Variants in ASXL2 observed in about 807,000 individuals in gnomAD.
The protein encoded by ASXL2 is ASXL transcriptional regulator 2.
In ASXL2, 23 loss-of-function variants were observed where a neutral mutation model predicts 122.0. The observed-to-expected ratio is 0.19, with a 90% CI of 0.14 to 0.27. The LOEUF (loss-of-function observed/expected upper bound fraction) is 0.27, where lower values mean the gene tolerates loss of function less well. Among genes scored for constraint, ASXL2 ranks in the 10% least tolerant of loss-of-function variants. The pLI, the probability that ASXL2 is intolerant of heterozygous loss-of-function variation, is 1.00. For synonymous variants in ASXL2, 650 were observed against 637.0 expected (o/e 1.02, Z -0.31); for missense variants, 1,518 against 1,713.8 (o/e 0.89, Z 2.02).
chr2:25,855,882 C>CATTTATTTATTTATTTATTT (rs147256555), intron 1 of ASXL2, among the ~76,000 whole-genome samples: 215 of 142,536 alleles, frequency 1.5e-3, no homozygotes, highest in South Asian at 4.5e-3. Context: ...CTTGATAATG[C>CATTTATTTATTTATTTATTT]ATTTATTTAT....
intron 1 of ASXL2, among the ~76,000 whole-genome samples, chr2:25,869,920 A>AC (rs972056972): frequency 6.6e-6 from 1 of 151,834 alleles, no homozygotes; most frequent in Non-Finnish European, 1.5e-5. Flanking sequence ...ACTAAAAAAA[A>AC]AAAAAGAAAG....
chr2:25,878,437 C>G lies in ASXL2; in HGVS notation c.-215G>C. The G allele has an allele frequency of 1.7e-6, 1 of 594,618 alleles. No homozygotes were observed. Among genetic ancestry groups the G allele is most frequent in the East Asian group, 2.8e-5 (1 of 35,224 alleles). 36.8% of individuals were successfully genotyped at this position (594,618 alleles called of 1,614,324 possible). A position where few individuals can be genotyped will look rare whatever the true frequency, so the allele number is the denominator to read the frequency against. On this transcript the variant is annotated 5_prime_UTR_variant, in exon 1 of 13. Transcript: ENST00000435504. ...CTCTTGCTGCCGTTGCCACTGCTAC[C>G]GCCGCTGCCATATTGGGTTCTTACT... is the stretch of plus-strand genomic sequence containing the variant.
chr2:25,826,601 T>C (rs1020370420), intron 3 of ASXL2, among the ~76,000 whole-genome samples: 3 of 152,140 alleles, frequency 2.0e-5, no homozygotes, highest in Non-Finnish European at 2.9e-5. Context: ...GTCCATTTTT[T>C]CCGTACTCCT....
rs1476986897 is a variant in ASXL2 at position 25,742,792 on chromosome 2, T to A, written c.3545A>T (p.Asp1182Val). 6.2e-7 allele frequency: 1 copy of A among 1,614,032 alleles called. No individual in the cohort carries two copies. The highest frequency in any genetic ancestry group is 1.1e-5 in the South Asian group (1 of 91,080). The part of the protein sequence containing the change: ...ESSSSKEDDT[D>V]EESTGDEQES... ...CTGCTCATCACCAGTACTTTCCTCA[T>A]CAGTGTCATCTTCTTTGCTGCTGCT... Residue 1182 changes from aspartate to valine, a missense_variant, in exon 13 of 13, where the codon GAT (aspartate) becomes GTT (valine). Physicochemically the swap from Asp to Val is radical, Grantham distance 152. Coordinates refer to ENST00000435504, the MANE Select transcript of ASXL2 (RefSeq NM_018263.6).
chr2:25,841,279 G>A (rs2089575164), intron 2 of ASXL2, among the ~76,000 whole-genome samples: 1 of 152,132 alleles, frequency 6.6e-6, no homozygotes, highest in Non-Finnish European at 1.5e-5. Flanking sequence ...CTGGGTTACA[G>A]AGTGAGACCC....
chr2:25,774,769 T>G (rs947918795), intron 5 of ASXL2, among the ~76,000 whole-genome samples: 1 of 152,232 alleles, frequency 6.6e-6, no homozygotes, highest in Non-Finnish European at 1.5e-5. Flanking sequence ...TAGGTGATAC[T>G]GCCAGTTTTC....
At position 25,740,435 on chromosome 2, in the gene ASXL2, T is replaced by C. The variant is rs922590816; in HGVS notation, c.*1594A>G. The C allele has an allele frequency of 8.3e-5, 19 of 227,812 alleles. No individual in the cohort carries two copies. The highest frequency in any genetic ancestry group is 6.3e-4 in the East Asian group (10 of 15,768). The allele number at this position is 227,812 out of a possible 1,614,324, so 14.1% of individuals were successfully genotyped here. A position where few individuals can be genotyped will look rare whatever the true frequency, so the allele number is the denominator to read the frequency against. On this transcript the variant is annotated 3_prime_UTR_variant, in exon 13 of 13. Coordinates refer to ENST00000435504, the MANE Select transcript of ASXL2 (RefSeq NM_018263.6). Reference sequence around the variant, plus strand: ...ATGAAGGACAAATACAACTGTACTATGTTGCATTAACATTTGTACTTTACC... The same window carrying C: ...ATGAAGGACAAATACAACTGTACTACGTTGCATTAACATTTGTACTTTACC...
Position 25,742,019 on chromosome 2 carries a change from T to C in ASXL2, c.*10A>G. The stretch of plus-strand genomic sequence containing the variant: ...CCCCCTCCTTTACAGTGTATCTCTT[T>C]CTAGTCTCATTACCGAACGACAAGG... On this transcript the variant is annotated 3_prime_UTR_variant, in exon 13 of 13. Transcript: ENST00000435504. The C allele has an allele frequency of 6.2e-7, 1 of 1,605,754 alleles. No homozygotes were observed.
intron 5 of ASXL2, among the ~76,000 whole-genome samples, chr2:25,799,180 C>T (rs891170851): frequency 2.6e-5 from 4 of 152,144 alleles, no homozygotes; most frequent in Non-Finnish European, 5.9e-5. Context: ...ATTCAATAGG[C>T]CCATGTAGCT....
intron 1 of ASXL2, among the ~76,000 whole-genome samples, chr2:25,857,862 TTTTAC>T (rs1202230249): frequency 1.3e-5 from 2 of 150,128 alleles, no homozygotes; most frequent in Non-Finnish European, 3.0e-5. Flanking sequence ...GGGATTTTTA[TTTTAC>T]TTTATTTTAT....
chr2:25,771,556 T>G lies in ASXL2; in HGVS notation c.404-16A>C, dbSNP rs771612893. On this transcript the variant is annotated splice_polypyrimidine_tract_variant and intron_variant, in intron 5 of 12. Coordinates refer to ENST00000435504, the MANE Select transcript of ASXL2 (RefSeq NM_018263.6). ...GACGACGATACTAGGGAAAAAAAAG[T>G]GACAATAAAAGATTTTTGTTAACAG... 2 of 1,597,146 alleles carry G rather than the reference T, an allele frequency of 1.3e-6. No homozygotes were observed. Among genetic ancestry groups the G allele is most frequent in the African/African-American group, 1.3e-5 (1 of 74,258 alleles).
At chr2:25,771,416 T>C in intron 6 of ASXL2, 24 bp downstream of exon 6, 1 of 1,581,672 alleles carries the variant, frequency 6.3e-7, no homozygotes. Flanking sequence ...TTCTACTTGA[T>C]AAATACAGAC....
chr2:25,780,695 A>G (rs2088619934), intron 5 of ASXL2, among the ~76,000 whole-genome samples: 1 of 152,208 alleles, frequency 6.6e-6, no homozygotes, highest in African/African-American at 2.4e-5. Flanking sequence ...CTCTGAGGTT[A>G]ATTCTTAGAA....
intron 3 of ASXL2, among the ~76,000 whole-genome samples, chr2:25,828,287 C>T (rs767822021): frequency 2.6e-5 from 4 of 151,940 alleles, no homozygotes; most frequent in South Asian, 4.2e-4. Context: ...AGGTGGATCA[C>T]GTGAGTCAGG....
intron 3 of ASXL2, among the ~76,000 whole-genome samples, chr2:25,808,399 C>A (rs939760478): frequency 1.3e-5 from 2 of 152,228 alleles, no homozygotes; most frequent in African/African-American, 4.8e-5. Flanking sequence ...ATGGTGCAAT[C>A]TTGGCTCACT....
At chr2:25,804,600 A>T (rs765517871) in intron 4 of ASXL2, among the ~76,000 whole-genome samples, 24 of 152,230 alleles carry the variant, frequency 1.6e-4, no homozygotes, top group Non-Finnish European at 3.1e-4. Context: ...GATGATGTCA[A>T]CTGAGTTCCT....
intron 1 of ASXL2, chr2:25,857,098 G>GC (rs2089789742): frequency 8.5e-6 from 1 of 117,178 alleles, no homozygotes; most frequent in East Asian, 3.1e-4. Flanking sequence ...GGCGGGGGGG[G>GC]GGAGATGGGC....
At chr2:25,764,779 T>C (rs1163238929) in intron 8 of ASXL2, among the ~76,000 whole-genome samples, 1 of 152,162 alleles carries the variant, frequency 6.6e-6, no homozygotes, top group Non-Finnish European at 1.5e-5. Flanking sequence ...CCTTGAAAAA[T>C]TTTTACTATT....
chr2:25,814,237 G>C (rs1483991760), intron 3 of ASXL2, among the ~76,000 whole-genome samples: 1 of 152,040 alleles, frequency 6.6e-6, no homozygotes, highest in Non-Finnish European at 1.5e-5. Context: ...AAGAATCCGG[G>C]CAGTTTATTT....
Sources: gnomAD v4.1 joint callset for allele counts (sites outside exome capture counted in the v4.1 genomes callset) on GRCh38, gnomAD v4.1.1 for gene constraint, MANE v1.5 for transcripts, NCBI Gene and HGNC (gene_info 2026-07-23, HGNC 2026-07-21) for gene names.